EVC2: variants seen among roughly 807,000 people sequenced by gnomAD.
EVC2 encodes limbin.
Under a neutral mutation model 149.3 loss-of-function variants are expected in EVC2, and 148 were observed. The ratio of observed to expected loss-of-function variants is 0.99; its 90% CI spans 0.87 to 1.14. The LOEUF (loss-of-function observed/expected upper bound fraction) is 1.14. EVC2 is among the 50% of genes most tolerant of loss of function. The probability of loss-of-function intolerance (pLI) is 0.00; values close to 1 mark genes in which losing one functional copy is unlikely to be tolerated. For synonymous variants in EVC2, 776 were observed against 649.9 expected, an observed-to-expected ratio of 1.19 and a Z score of -2.95; for missense variants, 1,854 against 1,627.3, an observed-to-expected ratio of 1.14 and a Z score of -2.40.
chr4:5,554,057 G>A (rs1187720683), intron 21 of EVC2, among the ~76,000 whole-genome samples: 2 of 152,172 alleles, frequency 1.3e-5, no homozygotes, highest in African/African-American at 4.8e-5. Flanking sequence ...GACAGTGAGA[G>A]AAACGGAAGA....
rs930635288 is a variant in EVC2, at chr4:5,552,972, A to C, written c.3420-9760T>G. ...GTTCACAAACAGCCAGGAATATTTCATCTTCCCTCTGGTGTGTGATAGATC... is the reference window on the plus strand; with the variant it reads ...GTTCACAAACAGCCAGGAATATTTCCTCTTCCCTCTGGTGTGTGATAGATC... On this transcript the variant is annotated intron_variant and NMD_transcript_variant, in intron 21 of 22. Coordinates refer to the EVC2 transcript ENST00000475313. Among the ~76,000 whole-genome samples the C allele has an allele frequency of 3.9e-5, 6 of 152,312 alleles. 1 individual carries two copies. Among genetic ancestry groups the C allele is most frequent in the African/African-American group, 1.4e-4 (6 of 41,568 alleles).
intron 1 of EVC2, 128 bp from the exon 2 acceptor site, chr4:5,697,775 T>A: frequency 2.5e-6 from 2 of 796,922 alleles, no homozygotes; most frequent in Non-Finnish European, 4.2e-6. Flanking sequence ...AGACAGAGTC[T>A]TGCTCTGTCA....
In EVC2 at chr4:5,622,534, C is replaced by G. The variant is rs1241356348; in HGVS notation, c.2501+3G>C. 1 of 1,613,388 alleles carries G rather than the reference C, an allele frequency of 6.2e-7. No homozygotes were observed. Among genetic ancestry groups the G allele is most frequent in the African/African-American group, 1.3e-5 (1 of 74,892 alleles). The stretch of plus-strand genomic sequence containing the variant: ...GGTGATTACGACCCGCAAAGGCACT[C>G]ACATGAAGATCAGGTGCTCCCAGCG... On this transcript the variant is annotated splice_donor_region_variant and intron_variant, in intron 14 of 21. Coordinates refer to ENST00000344408, the MANE Select transcript of EVC2 (RefSeq NM_147127.5). This position sits in a 1 kb window ranked among gnomAD's most constrained non-coding sequence, Gnocchi z 5.8.
At chr4:5,593,951 T>C (rs984037720) in intron 16 of EVC2, among the ~76,000 whole-genome samples, 3 of 152,188 alleles carry the variant, frequency 2.0e-5, no homozygotes, top group Non-Finnish European at 4.4e-5. Flanking sequence ...CCTACACCCA[T>C]GGAGTCTCGC....
intron 16 of EVC2, among the ~76,000 whole-genome samples, chr4:5,599,465 G>T (rs190938774): frequency 6.6e-6 from 1 of 151,940 alleles, no homozygotes; most frequent in Admixed American, 6.6e-5. Flanking sequence ...GTAAACTATC[G>T]CAAGAACAAA....
In EVC2 at chr4:5,663,071, C is replaced by T. The variant is rs1560206440; in HGVS notation, c.1145+36G>A. The T allele has an allele frequency of 3.1e-6, 5 of 1,612,790 alleles. No individual in the cohort carries two copies. In the African/African-American group the frequency reaches 4.0e-5, roughly 13 times the overall value. On this transcript the variant is annotated intron_variant, in intron 9 of 21. Coordinates refer to ENST00000344408, the MANE Select transcript of EVC2 (RefSeq NM_147127.5). ...GTCACTGTCGTTAAAACATTCATCA[C>T]ATGTGTGTAAGTATAATGGGATTTA...
At position 5,640,721 on chromosome 4, in the gene EVC2, T is replaced by A. The variant is rs1717267419; in HGVS notation, c.1263A>T (p.Ser421=). 2 of 1,614,060 alleles carry A rather than the reference T, an allele frequency of 1.2e-6. No homozygotes were observed. The highest frequency in any genetic ancestry group is 1.7e-6 in the Non-Finnish European group (2 of 1,180,014). Residue 421 remains serine, a synonymous_variant, in exon 10 of 22, where the codon TCA becomes TCT. Coordinates refer to ENST00000344408, the MANE Select transcript of EVC2 (RefSeq NM_147127.5). The surrounding 1 kb of genome is among the most constrained non-coding windows in gnomAD (Gnocchi z 4.6). ...CACTCATTTTTCTCTCTACTTGGGG[T>A]GAGAGGTGGCCACTGCTGGTGAGAT... ...LKNLTSSGHL[S]PQVERKMSAV...
Position 5,696,903 on chromosome 4 carries a change from GATT to G in EVC2, c.283+687_283+689del, listed in dbSNP as rs1721511681. Among the ~76,000 whole-genome samples the G allele has an allele frequency of 6.6e-6, 1 of 152,204 alleles. No individual in the cohort carries two copies. Among genetic ancestry groups the G allele is most frequent in the Non-Finnish European group, 1.5e-5 (1 of 68,036 alleles). On this transcript the variant is annotated intron_variant, in intron 2 of 21. Transcript: ENST00000344408. This position sits in a 1 kb window ranked among gnomAD's most constrained non-coding sequence, Gnocchi z 4.1. ...AGGGTCTCAGATACTTTGCAAATGT[GATT>G]CCATTAAGGGCTTCGAGATGGGGAG...
chr4:5,555,955 G>A (rs553622307), intron 21 of EVC2, among the ~76,000 whole-genome samples: 25 of 152,048 alleles, frequency 1.6e-4, no homozygotes, highest in South Asian at 4.2e-4. Context: ...TGAGGCAGGC[G>A]GATCACGAGG....
chr4:5,566,384 G>A lies in EVC2; in HGVS notation c.3558-1025C>T, dbSNP rs1310080486. ...AGTCTAACTCCTGGAGCAGAGAAGG[G>A]CGGTCTTCTGAAGGCAGCACCCGAG... On this transcript the variant is annotated intron_variant, in intron 20 of 21. Transcript: ENST00000344408. Among the ~76,000 whole-genome samples the A allele has an allele frequency of 6.6e-5, 10 of 152,188 alleles. No individual in the cohort carries two copies. The South Asian group carries it at 2.1e-3, about 31-fold the overall frequency.
At chr4:5,594,735 G>A (rs1713212508) in intron 16 of EVC2, among the ~76,000 whole-genome samples, 1 of 152,234 alleles carries the variant, frequency 6.6e-6, no homozygotes, top group Non-Finnish European at 1.5e-5. Context: ...ACTTGGACGA[G>A]TTGAGAGAAG....
intron 21 of EVC2, among the ~76,000 whole-genome samples, chr4:5,552,914 G>A (rs2369858): frequency 1 from 151,996 of 152,362 alleles, 75,818 homozygotes; most frequent in Middle Eastern, 1. Context: ...CAGGAAAAGA[G>A]GCACGATACA....
At chr4:5,702,732 A>G (rs1433707125) in intron 1 of EVC2, among the ~76,000 whole-genome samples, 1 of 152,242 alleles carries the variant, frequency 6.6e-6, no homozygotes, top group Non-Finnish European at 1.5e-5. Context: ...AAATTCGCAC[A>G]GAAATCTTGT....
intron 9 of EVC2, among the ~76,000 whole-genome samples, chr4:5,642,374 C>G (rs1371227744): frequency 6.9e-6 from 1 of 144,882 alleles, no homozygotes; most frequent in Non-Finnish European, 1.6e-5. Context: ...ACAATTTTAT[C>G]CTCTTTTTTT....
chr4:5,618,567 C>G lies in EVC2; in HGVS notation c.2617G>C (p.Ala873Pro), dbSNP rs1307693776. Residue 873 changes from alanine (A) to proline (P), a missense_variant, in exon 15 of 22, where the codon GCC becomes CCC. Physicochemically the swap from Ala to Pro is conservative, Grantham distance 27. Transcript: ENST00000344408. This position sits in a 1 kb window ranked among gnomAD's most constrained non-coding sequence, Gnocchi z 4.4. ...DRSLALPKIR[A>P]RVLLQQFQTA... Reference sequence around the variant, plus strand: ...TGAAATTGCTGCAGCAGAACTCGGGCCCGGATCTTGGGGAGGGCCAAGCTC... The same window carrying G: ...TGAAATTGCTGCAGCAGAACTCGGGGCCGGATCTTGGGGAGGGCCAAGCTC... 3 of 1,614,056 alleles carry G rather than the reference C, an allele frequency of 1.9e-6. No individual in the cohort carries two copies. The highest frequency in any genetic ancestry group is 2.5e-6 in the Non-Finnish European group (3 of 1,180,056).
intron 2 of EVC2, among the ~76,000 whole-genome samples, chr4:5,695,541 G>C (rs1005512955): frequency 3.3e-5 from 5 of 152,168 alleles, no homozygotes; most frequent in Non-Finnish European, 7.3e-5. Flanking sequence ...ACCTTGCACA[G>C]GTCAGCTGAG....
chr4:5,694,132 A>G (rs1416964752), intron 3 of EVC2, among the ~76,000 whole-genome samples: 1 of 152,252 alleles, frequency 6.6e-6, no homozygotes, highest in Non-Finnish European at 1.5e-5. Context: ...CCTCCTCTCC[A>G]TCTAAATACT....
At position 5,694,486 on chromosome 4, in the gene EVC2, C is replaced by G; in HGVS notation, c.299G>C (p.Gly100Ala). 6.2e-7 allele frequency: 1 copy of G among 1,614,158 alleles called. No homozygotes were observed. The highest frequency in any genetic ancestry group is 8.5e-7 in the Non-Finnish European group (1 of 1,180,030). The change falls in exon 3 of 22, where the codon GGA becomes GCA. Residue 100 changes from glycine (G) to alanine (A), a missense_variant. Coordinates refer to ENST00000344408, the MANE Select transcript of EVC2 (RefSeq NM_147127.5). The part of the protein sequence containing the change: ...HFKTAVEAPL[G>A]MKLDKKMEVF... ...TTCCATTTTCTTGTCCAATTTCATT[C>G]CAAGTGGTGCTTCCACTGCAAAACA...
intron 16 of EVC2, among the ~76,000 whole-genome samples, chr4:5,593,634 G>A (rs112241524): frequency 2.8e-4 from 42 of 152,288 alleles, no homozygotes; most frequent in Admixed American, 1.8e-3. Context: ...AGCTCCCAGC[G>A]TGAGCGACGC....
Sources: allele counts gnomAD v4.1 joint callset (sites outside exome capture counted in the v4.1 genomes callset), GRCh38; gene constraint gnomAD v4.1.1; non-coding constraint Gnocchi (gnomAD v3.1); transcripts MANE v1.5; gene names NCBI Gene and HGNC (gene_info 2026-07-23, HGNC 2026-07-21).